Variants in VPS39 observed in about 807,000 individuals in gnomAD.
The protein encoded by VPS39 is vam6/Vps39-like protein.
VPS39 carries 70 observed loss-of-function variants against 121.0 expected under a neutral mutation model. The ratio of observed to expected loss-of-function variants is 0.58; its 90% CI spans 0.48 to 0.71. The LOEUF is 0.71. Among genes scored for constraint, VPS39 ranks in the 30% least tolerant of loss-of-function variants. The pLI is 0.00. For missense variants in VPS39, 818 were observed against 1,051.5 expected, an observed-to-expected ratio of 0.78 and a Z score of 3.07; for synonymous variants, 378 against 398.1, an observed-to-expected ratio of 0.95 and a Z score of 0.60.
At chr15:42,187,929 T>C in intron 5 of VPS39, 73 bp from the exon 6 acceptor site, 1 of 1,421,356 alleles carries the variant, frequency 7.0e-7, no homozygotes, top group Non-Finnish European at 9.9e-7. Flanking sequence ...AATTAGAGAT[T>C]GTCTACCTTG....
At chr15:42,169,622 A>C in intron 12 of VPS39, 102 bp downstream of exon 12, 1 of 1,317,540 alleles carries the variant, frequency 7.6e-7, no homozygotes, top group East Asian at 2.5e-5. Flanking sequence ...ATTAATTTAC[A>C]GACTGCCTTG....
At position 42,166,431 on chromosome 15, in the gene VPS39, C is replaced by T. The variant is rs114305860; in HGVS notation, c.1606+132G>A. ...GCCAACCACCGAGGGACTTTTATGC[C>T]ATTTGGAGGAATGAAATTGAGTGAA... On this transcript the variant is annotated intron_variant, in intron 15 of 24. Coordinates refer to ENST00000318006, the MANE Select transcript of VPS39 (RefSeq NM_015289.5). The T allele has an allele frequency of 7.2e-3, 8,739 of 1,207,680 alleles. 518 individuals are homozygous for T. The African/African-American group carries it at 0.12, about 16-fold the overall frequency. The allele number at this position is 1,207,680 out of a possible 1,614,324, so 74.8% of individuals were successfully genotyped here. A position where few individuals can be genotyped will look rare whatever the true frequency, so the allele number is the denominator to read the frequency against.
intron 10 of VPS39, among the ~76,000 whole-genome samples, chr15:42,177,823 T>C (rs1479798289): frequency 6.6e-6 from 1 of 152,112 alleles, no homozygotes; most frequent in Non-Finnish European, 1.5e-5. Context: ...CCTGCCACCA[T>C]GCCCAGCTAA....
At chr15:42,195,308 C>A (rs1471543498) in intron 2 of VPS39, among the ~76,000 whole-genome samples, 1 of 152,126 alleles carries the variant, frequency 6.6e-6, no homozygotes, top group Non-Finnish European at 1.5e-5. Context: ...GGCATGATGG[C>A]ACGCATCTGT....
intron 11 of VPS39, 44 bp downstream of exon 11, chr15:42,173,679 C>G: frequency 6.3e-7 from 1 of 1,592,426 alleles, no homozygotes; most frequent in Non-Finnish European, 8.6e-7. Context: ...TTCAGGCTCC[C>G]CTCCTCCATT....
intron 11 of VPS39, among the ~76,000 whole-genome samples, chr15:42,172,491 T>C (rs1213555342): frequency 1.3e-5 from 2 of 152,262 alleles, no homozygotes; most frequent in Admixed American, 6.5e-5. Context: ...CAACAAGTAC[T>C]AACAGAGATG....
chr15:42,179,779 G>A (rs998733828), intron 8 of VPS39, among the ~76,000 whole-genome samples: 4 of 152,078 alleles, frequency 2.6e-5, no homozygotes, highest in African/African-American at 9.7e-5. Flanking sequence ...TGCTCCACCT[G>A]ATGGCTGCTA....
rs542347128 is a variant in VPS39 at position 42,195,227 on chromosome 15, G to A, written c.140-3667C>T. Among the ~76,000 whole-genome samples the A allele has an allele frequency of 7.2e-5, 11 of 152,234 alleles. No individual in the cohort carries two copies. In the South Asian group the frequency reaches 1.5e-3, roughly 20 times the overall value. On this transcript the variant is annotated intron_variant, in intron 2 of 24. Transcript: ENST00000318006. ...AGGTCGAGGCGGGCGGATCACTTGA[G>A]GTCAGGAATTCCAGACCAGCCTGGC...
chr15:42,187,698 T>A, intron 6 of VPS39, 60 bp downstream of exon 6: 1 of 1,500,140 alleles, frequency 6.7e-7, no homozygotes, highest in Non-Finnish European at 9.3e-7. Context: ...TGAACTTCAC[T>A]AGAACCGAGC....
rs939193915 is a variant in VPS39 at position 42,161,747 on chromosome 15, C to A, written c.2487G>T (p.Gln829His). The change falls in exon 24 of 25, where the codon CAG becomes CAT. Residue 829 changes from glutamine (Q) to histidine (H), a missense_variant. By Grantham distance (24) the Gln-to-His change is conservative (BLOSUM62 0). Transcript: ENST00000318006. ...LRVQEERILH[Q>H]QVKCIITEEK... ...CCTCTGTGATGATGCACTTCACCTG[C>A]TGGTGTAAAATCCGCTCTTCCTGGA... 3 of 1,614,172 alleles carry A rather than the reference C, an allele frequency of 1.9e-6. No homozygotes were observed. Among genetic ancestry groups the A allele is most frequent in the Non-Finnish European group, 2.5e-6 (3 of 1,180,042 alleles).
chr15:42,165,018 C>T lies in VPS39; in HGVS notation c.1875G>A (p.Glu625=), dbSNP rs771963008. Residue 625 remains glutamate (E), a synonymous_variant, in exon 18 of 25, where the codon GAG becomes GAA. Transcript: ENST00000318006. ...TACCTGCAGGGAAGGACAGGAGATACTCCTTCATCAGACCTTGCACCTTCT... is the reference window on the plus strand; with the variant it reads ...TACCTGCAGGGAAGGACAGGAGATATTCCTTCATCAGACCTTGCACCTTCT... ...YCEKVQGLMK[E]YLLSFPAGKT... The T allele has an allele frequency of 3.1e-6, 5 of 1,614,116 alleles. No homozygotes were observed. The East Asian group carries it at 6.7e-5, about 22-fold the overall frequency.
intron 5 of VPS39, among the ~76,000 whole-genome samples, chr15:42,188,691 C>T (rs776265883): frequency 2.8e-4 from 42 of 152,102 alleles, no homozygotes; most frequent in Non-Finnish European, 5.7e-4. Flanking sequence ...CTCTTTGGGC[C>T]GGGTGCAGTG....
At chr15:42,191,409 A>G in intron 3 of VPS39, 87 bp downstream of exon 3, 1 of 1,356,708 alleles carries the variant, frequency 7.4e-7, no homozygotes, top group Middle Eastern at 1.8e-4. Context: ...GAGGATTCAG[A>G]GTTAATAAAT....
chr15:42,184,827 TAC>T, intron 7 of VPS39, 127 bp from the exon 8 acceptor site: 1 of 910,056 alleles, frequency 1.1e-6, no homozygotes, highest in Non-Finnish European at 1.6e-6. Context: ...AAGAAAATGT[TAC>T]AGAGTTTATT....
chr15:42,166,995 A>G, intron 13 of VPS39, 82 bp from the exon 14 acceptor site: 1 of 1,574,268 alleles, frequency 6.4e-7, no homozygotes, highest in South Asian at 1.1e-5. Context: ...TCTAGGCTGA[A>G]AGGCCAGGAA....
At chr15:42,186,765 CTTCCT>C (rs1211135105) in intron 7 of VPS39, among the ~76,000 whole-genome samples, 1 of 152,184 alleles carries the variant, frequency 6.6e-6, no homozygotes, top group African/African-American at 2.4e-5. Flanking sequence ...TTGATTTGCA[CTTCCT>C]TTATCTCCTT....
intron 3 of VPS39, 30 bp downstream of exon 3, chr15:42,191,466 A>G: frequency 4.4e-6 from 7 of 1,605,774 alleles, no homozygotes; most frequent in Non-Finnish European, 6.0e-6. Flanking sequence ...TAAGTCAAAT[A>G]TTCTTGTAAG....
At chr15:42,183,285 T>C (rs1260794560) in intron 8 of VPS39, among the ~76,000 whole-genome samples, 1 of 151,900 alleles carries the variant, frequency 6.6e-6, no homozygotes, top group East Asian at 1.9e-4. Flanking sequence ...TTTTCGTGTT[T>C]GAGACGGGGT....
At chr15:42,171,701 G>T (rs1039305997) in intron 11 of VPS39, among the ~76,000 whole-genome samples, 1 of 152,116 alleles carries the variant, frequency 6.6e-6, no homozygotes, top group African/African-American at 2.4e-5. Flanking sequence ...CCATCTCCAG[G>T]ACTTTTCCAT....
Sources: gnomAD v4.1 joint callset for allele counts (sites outside exome capture counted in the v4.1 genomes callset) on GRCh38, gnomAD v4.1.1 for gene constraint, MANE v1.5 for transcripts, NCBI Gene and HGNC (gene_info 2026-07-23, HGNC 2026-07-21) for gene names.